Variants in PPP2R5A observed in about 807,000 individuals in gnomAD.
The protein encoded by PPP2R5A is protein phosphatase 2 regulatory subunit B'alpha.
A neutral mutation model predicts 64.2 loss-of-function variants in PPP2R5A; 25 were observed. That is an observed-to-expected ratio of 0.39 (90% CI 0.28 to 0.54). The LOEUF (loss-of-function observed/expected upper bound fraction) is 0.54. Among genes scored for constraint, PPP2R5A ranks in the 20% least tolerant of loss-of-function variants. PPP2R5A has a pLI of 0.67. For synonymous variants in PPP2R5A, 198 were observed against 201.2 expected, an observed-to-expected ratio of 0.98 and a Z score of 0.13; for missense variants, 425 against 576.3, an observed-to-expected ratio of 0.74 and a Z score of 2.69.
intron 12 of PPP2R5A, among the ~76,000 whole-genome samples, 156 bp downstream of exon 12, chr1:212,358,943 T>G (rs1205034725): frequency 3.3e-5 from 5 of 152,356 alleles, no homozygotes; most frequent in Admixed American, 3.3e-4. Context: ...TCTTAACATA[T>G]AAGTCATTTC....
rs1441613638 is a variant in PPP2R5A at position 212,356,894 on chromosome 1, T to C, written c.979-56T>C. 154 of 1,405,862 alleles carry C rather than the reference T, an allele frequency of 1.1e-4. 1 individual carries two copies. The highest frequency in any genetic ancestry group is 1.4e-4 in the Non-Finnish European group (143 of 1,038,706). 87.1% of individuals were successfully genotyped at this position (1,405,862 alleles called of 1,614,324 possible). Reference sequence around the variant, plus strand: ...TTAACCTTCTCATTTGTATGGTTTCTATATTAGTTTCACATAATTTATCAT... The same window carrying C: ...TTAACCTTCTCATTTGTATGGTTTCCATATTAGTTTCACATAATTTATCAT... On this transcript the variant is annotated intron_variant, in intron 9 of 12. Transcript: ENST00000261461.
chr1:212,344,217 G>A (rs369720733), intron 4 of PPP2R5A, among the ~76,000 whole-genome samples: 2 of 152,142 alleles, frequency 1.3e-5, no homozygotes, highest in African/African-American at 4.8e-5. Flanking sequence ...CAAGTGATCC[G>A]CCTGCCTTGG....
At chr1:212,316,742 A>G (rs1045551932) in intron 1 of PPP2R5A, among the ~76,000 whole-genome samples, 3 of 151,148 alleles carry the variant, frequency 2.0e-5, no homozygotes, top group African/African-American at 7.3e-5. Flanking sequence ...GCGATCCTTT[A>G]TTTTCCATTA....
chr1:212,351,102 CAA>C (rs58625826), intron 8 of PPP2R5A, among the ~76,000 whole-genome samples: 1 of 103,742 alleles, frequency 9.6e-6, no homozygotes, highest in Non-Finnish European at 2.6e-5. Context: ...CGAGATGACA[CAA>C]AAAAAAAAAC....
rs1450980551 is a variant in PPP2R5A, at chr1:212,285,945, G to A, written c.-166G>A. 3 of 603,374 alleles carry A rather than the reference G, an allele frequency of 5.0e-6. No homozygotes were observed. The highest frequency in any genetic ancestry group is 3.9e-5 in the South Asian group (1 of 25,522). The allele number at this position is 603,374 out of a possible 1,614,324, so 37.4% of individuals were successfully genotyped here. A position where few individuals can be genotyped will look rare whatever the true frequency, so the allele number is the denominator to read the frequency against. ...TGAGATGTGGCCGTGAGGCGTTGGCGGGCGGCGAGGAGAAGCTCGGCGGCG... is the reference window on the plus strand; with the variant it reads ...TGAGATGTGGCCGTGAGGCGTTGGCAGGCGGCGAGGAGAAGCTCGGCGGCG... On this transcript the variant is annotated 5_prime_UTR_variant, in exon 1 of 13. Coordinates refer to ENST00000261461, the MANE Select transcript of PPP2R5A (RefSeq NM_006243.4).
intron 2 of PPP2R5A, among the ~76,000 whole-genome samples, chr1:212,330,861 A>T (rs933097920): frequency 8.9e-5 from 13 of 146,820 alleles, no homozygotes; most frequent in Middle Eastern, 3.5e-3. Context: ...TCAAAAAAAA[A>T]TTTTTTTTTT....
At chr1:212,302,152 AAT>A in intron 1 of PPP2R5A, 2 of 1,405,066 alleles carry the variant, frequency 1.4e-6, no homozygotes. Flanking sequence ...GAGAGAAATG[AAT>A]AGAGACTAGA....
intron 4 of PPP2R5A, among the ~76,000 whole-genome samples, chr1:212,345,429 T>TA (rs1659760689): frequency 6.6e-6 from 1 of 152,144 alleles, no homozygotes; most frequent in Non-Finnish European, 1.5e-5. Context: ...TCTAAAAACT[T>TA]AAACGATTTT....
intron 8 of PPP2R5A, among the ~76,000 whole-genome samples, chr1:212,349,531 C>A (rs1167146189): frequency 6.6e-6 from 1 of 152,106 alleles, no homozygotes; most frequent in African/African-American, 2.4e-5. Context: ...TGCATACTGT[C>A]TTCACCAATA....
intron 9 of PPP2R5A, 68 bp downstream of exon 9, chr1:212,356,744 C>T: frequency 2.6e-6 from 4 of 1,510,724 alleles, no homozygotes; most frequent in Admixed American, 2.0e-5. Context: ...ATAAACCATG[C>T]TTCTTTGGGC....
intron 1 of PPP2R5A, among the ~76,000 whole-genome samples, chr1:212,322,486 T>C (rs1236360261): frequency 6.6e-6 from 1 of 152,222 alleles, no homozygotes; most frequent in Non-Finnish European, 1.5e-5. Flanking sequence ...TTTTAAATAA[T>C]GAAAACCATG....
intron 12 of PPP2R5A, 62 bp from the exon 13 acceptor site, chr1:212,360,568 GCTGTCAAA>G: frequency 8.3e-6 from 11 of 1,321,210 alleles, no homozygotes; most frequent in Non-Finnish European, 1.1e-5. Context: ...TCTCCAGTAA[GCTGTCAAA>G]CAGCACCTCT....
At chr1:212,350,852 T>C (rs538930809) in intron 8 of PPP2R5A, among the ~76,000 whole-genome samples, 3 of 150,182 alleles carry the variant, frequency 2.0e-5, no homozygotes, top group Non-Finnish European at 4.5e-5. Context: ...GAATGGAAGA[T>C]AGAGGCTGGG....
intron 1 of PPP2R5A, among the ~76,000 whole-genome samples, chr1:212,323,576 T>G (rs1042670644): frequency 2.0e-5 from 3 of 152,186 alleles, no homozygotes; most frequent in Admixed American, 6.5e-5. Flanking sequence ...TTCTAATGTT[T>G]GGGAAAATTC....
intron 8 of PPP2R5A, among the ~76,000 whole-genome samples, chr1:212,355,365 C>T (rs1659960581): frequency 6.6e-6 from 1 of 151,986 alleles, no homozygotes. Flanking sequence ...CAACATTATT[C>T]ATCACATTGT....
intron 1 of PPP2R5A, among the ~76,000 whole-genome samples, chr1:212,326,709 C>A (rs575556850): frequency 6.6e-6 from 1 of 152,156 alleles, no homozygotes; most frequent in Non-Finnish European, 1.5e-5. Context: ...AGACTTTAAC[C>A]TTCATAAAGC....
Position 212,346,028 on chromosome 1 carries a change from G to T in PPP2R5A, c.704+95G>T, listed in dbSNP as rs1571607324. The T allele has an allele frequency of 1.5e-5, 19 of 1,226,002 alleles. No individual in the cohort carries two copies. In the East Asian group the frequency reaches 3.6e-4, roughly 23 times the overall value. 75.9% of individuals were successfully genotyped at this position (1,226,002 alleles called of 1,614,324 possible). A position where few individuals can be genotyped will look rare whatever the true frequency, so the allele number is the denominator to read the frequency against. The stretch of plus-strand genomic sequence containing the variant: ...TTTTTATTTGTTTTTTTGAGACAGG[G>T]TCTCACTCTGTCATCCAGGCTGGAG... On this transcript the variant is annotated intron_variant, in intron 5 of 12. Transcript: ENST00000261461.
chr1:212,329,057 CT>C, intron 1 of PPP2R5A, 77 bp from the exon 2 acceptor site: 1 of 1,084,840 alleles, frequency 9.2e-7, no homozygotes, highest in Non-Finnish European at 1.2e-6. Context: ...ATGTGAATAG[CT>C]TCTACAAAAT....
chr1:212,347,184 G>C (rs1659796777), intron 5 of PPP2R5A, among the ~76,000 whole-genome samples, 163 bp from the exon 6 acceptor site: 1 of 152,164 alleles, frequency 6.6e-6, no homozygotes, highest in Admixed American at 6.6e-5. Context: ...TTTTAAGATT[G>C]ATATGAATTA....
Sources: gnomAD v4.1 joint callset for allele counts (sites outside exome capture counted in the v4.1 genomes callset) on GRCh38, gnomAD v4.1.1 for gene constraint, MANE v1.5 for transcripts, NCBI Gene and HGNC (gene_info 2026-07-23, HGNC 2026-07-21) for gene names.